INPP5B: variants seen among roughly 807,000 people sequenced by gnomAD.
The protein encoded by INPP5B is inositol polyphosphate-5-phosphatase B.
A neutral mutation model predicts 118.5 loss-of-function variants in INPP5B; 90 were observed. The observed-to-expected ratio is 0.76, with a 90% CI of 0.64 to 0.90. The LOEUF is 0.90. Ranked by LOEUF, INPP5B falls within the 40% of genes least tolerant of loss-of-function variation. The pLI is 0.00. For synonymous variants in INPP5B, 385 were observed against 418.9 expected, an observed-to-expected ratio of 0.92 and a Z score of 0.99; for missense variants, 984 against 1,125.6, an observed-to-expected ratio of 0.87 and a Z score of 1.80.
intron 7 of INPP5B, among the ~76,000 whole-genome samples, chr1:37,909,894 C>T (rs1644630446): frequency 6.6e-6 from 1 of 152,190 alleles, no homozygotes; most frequent in Admixed American, 6.5e-5. Flanking sequence ...GTCAGGCATT[C>T]CTCCAGGACC....
intron 7 of INPP5B, among the ~76,000 whole-genome samples, chr1:37,915,933 A>T (rs1644846768): frequency 6.6e-6 from 1 of 152,284 alleles, no homozygotes; most frequent in East Asian, 1.9e-4. Flanking sequence ...CTTTTCCCAT[A>T]GTTAACTTGA....
intron 7 of INPP5B, among the ~76,000 whole-genome samples, chr1:37,895,758 G>T (rs1355569721): frequency 1.3e-5 from 2 of 152,170 alleles, no homozygotes; most frequent in African/African-American, 4.8e-5. Flanking sequence ...CGAGTGATCC[G>T]CCAGCCTCGG....
At chr1:37,933,663 T>G (rs1645576763) in intron 6 of INPP5B, among the ~76,000 whole-genome samples, 1 of 151,772 alleles carries the variant, frequency 6.6e-6, no homozygotes. Flanking sequence ...GAGGTTGCAG[T>G]GAGCCAAGAT....
intron 1 of INPP5B, among the ~76,000 whole-genome samples, chr1:37,946,663 C>G (rs1409506262): frequency 6.6e-6 from 1 of 152,050 alleles, no homozygotes; most frequent in Non-Finnish European, 1.5e-5. Context: ...AGTCCCTTTG[C>G]TCCTAGGACA....
intron 7 of INPP5B, among the ~76,000 whole-genome samples, chr1:37,914,259 GGA>G: frequency 6.6e-6 from 1 of 152,286 alleles, no homozygotes; most frequent in Admixed American, 6.5e-5. Flanking sequence ...CTCTGTCTAT[GGA>G]GTAGCCATTC....
chr1:37,861,991 G>A lies in INPP5B; in HGVS notation c.*324C>T, dbSNP rs762663879. 5 of 195,888 alleles carry A rather than the reference G, an allele frequency of 2.6e-5. No homozygotes were observed. Among genetic ancestry groups the A allele is most frequent in the African/African-American group, 9.5e-5 (4 of 42,272 alleles). The allele number at this position is 195,888 out of a possible 1,614,324, so 12.1% of individuals were successfully genotyped here. A position where few individuals can be genotyped will look rare whatever the true frequency, so the allele number is the denominator to read the frequency against. ...GCAGAGGTTGCAGTGAGCCGAGATC[G>A]TGCCACCGCACTCCACCCTGCGCGA... On this transcript the variant is annotated 3_prime_UTR_variant, in exon 24 of 24. Coordinates refer to ENST00000373024, the MANE Select transcript of INPP5B (RefSeq NM_005540.3).
Position 37,889,706 on chromosome 1 carries a change from G to A in INPP5B, c.648C>T (p.Ser216=), listed in dbSNP as rs553493470. The part of the protein sequence containing the change: ...SLQPRQNKSK[S]EITDMVRSST... The stretch of plus-strand genomic sequence containing the variant: ...AGGAGCGAACCATGTCAGTAATTTC[G>A]GACTTGGATTTATTCTGTCTGGAAA... Residue 216 remains serine, a synonymous_variant, in exon 9 of 24, where the codon TCC becomes TCT. Coordinates refer to ENST00000373024, the MANE Select transcript of INPP5B (RefSeq NM_005540.3). The A allele has an allele frequency of 2.7e-5, 43 of 1,611,108 alleles. No homozygotes were observed. In the Admixed American group the frequency reaches 4.0e-4, roughly 15 times the overall value.
At chr1:37,926,693 T>C (rs1177593854) in intron 7 of INPP5B, among the ~76,000 whole-genome samples, 1 of 152,172 alleles carries the variant, frequency 6.6e-6, no homozygotes, top group Admixed American at 6.5e-5. Flanking sequence ...TGAGTAGCCA[T>C]TTCCTTTTTA....
intron 13 of INPP5B, chr1:37,883,556 G>A: frequency 1.0e-6 from 1 of 985,394 alleles, no homozygotes; most frequent in Non-Finnish European, 1.2e-6. Flanking sequence ...TGCTGTATCT[G>A]AAGCCAACAA....
At chr1:37,917,059 G>C (rs929788187) in intron 7 of INPP5B, among the ~76,000 whole-genome samples, 1 of 150,728 alleles carries the variant, frequency 6.6e-6, no homozygotes, top group East Asian at 2.1e-4. Flanking sequence ...GGGAGGCCGA[G>C]GCAAGCAGAT....
At chr1:37,887,189 A>G (rs1052190114) in intron 11 of INPP5B, among the ~76,000 whole-genome samples, 162 bp downstream of exon 11, 1 of 152,294 alleles carries the variant, frequency 6.6e-6, no homozygotes, top group South Asian at 2.1e-4. Flanking sequence ...GAGACCCTGC[A>G]TCTTTCCCAC....
intron 7 of INPP5B, among the ~76,000 whole-genome samples, chr1:37,924,897 G>A (rs1645174907): frequency 6.6e-6 from 1 of 151,322 alleles, no homozygotes. Context: ...AATTAGTCCA[G>A]GCATGATGGC....
At chr1:37,876,690 T>A (rs1201449285) in intron 16 of INPP5B, among the ~76,000 whole-genome samples, 1 of 107,146 alleles carries the variant, frequency 9.3e-6, no homozygotes, top group African/African-American at 3.3e-5. Flanking sequence ...AAACCCCGTC[T>A]CTACTAAAAA....
At chr1:37,939,665 G>A (rs925518030) in intron 6 of INPP5B, among the ~76,000 whole-genome samples, 4 of 151,754 alleles carry the variant, frequency 2.6e-5, no homozygotes, top group Non-Finnish European at 5.9e-5. Context: ...GGATGATCTC[G>A]ATCTCCTGAC....
At position 37,925,890 on chromosome 1, in the gene INPP5B, G is replaced by C. The variant is rs1218583333; in HGVS notation, c.532+6023C>G. ...AGAAAAACGAATACAGTTCTCTTTT[G>C]TTTAAGGAAACAAAGTGACTTAAAA... is the stretch of plus-strand genomic sequence containing the variant. On this transcript the variant is annotated intron_variant, in intron 7 of 23. Coordinates refer to ENST00000373024, the MANE Select transcript of INPP5B (RefSeq NM_005540.3). Among the ~76,000 whole-genome samples the C allele has an allele frequency of 3.3e-5, 5 of 152,334 alleles. No homozygotes were observed. The East Asian group carries it at 9.6e-4, about 29-fold the overall frequency.
chr1:37,883,672 G>C, intron 13 of INPP5B: 1 of 985,350 alleles, frequency 1.0e-6, no homozygotes, highest in South Asian at 4.7e-5. Flanking sequence ...TCACAAACTA[G>C]GATGCTGCAG....
At chr1:37,946,062 T>C (rs1646099542) in intron 2 of INPP5B, among the ~76,000 whole-genome samples, 190 bp downstream of exon 2, 2 of 152,214 alleles carry the variant, frequency 1.3e-5, no homozygotes, top group Admixed American at 1.3e-4. Context: ...CATAGGGAGT[T>C]AGGAGGATAA....
intron 6 of INPP5B, among the ~76,000 whole-genome samples, chr1:37,940,486 A>G (rs1285460901): frequency 6.6e-6 from 1 of 152,198 alleles, no homozygotes; most frequent in East Asian, 1.9e-4. Context: ...GCTGTAGTTA[A>G]CACTCAACTC....
intron 13 of INPP5B, 93 bp downstream of exon 13, chr1:37,885,545 G>A: frequency 9.1e-7 from 1 of 1,094,588 alleles, no homozygotes; most frequent in East Asian, 2.4e-5. Context: ...TGCAGCAATA[G>A]GAAACCACCA....
Sources: allele counts gnomAD v4.1 joint callset (sites outside exome capture counted in the v4.1 genomes callset), GRCh38; gene constraint gnomAD v4.1.1; transcripts MANE v1.5; gene names NCBI Gene and HGNC (gene_info 2026-07-23, HGNC 2026-07-21).